WDPCP: variants seen among roughly 807,000 people sequenced by gnomAD.
WDPCP encodes WD repeat-containing and planar cell polarity effector protein fritz homolog.
Under a neutral mutation model 93.1 loss-of-function variants are expected in WDPCP, and 71 were observed. That is an observed-to-expected ratio of 0.76 (90% CI 0.63 to 0.93). The LOEUF is 0.93. Ranked by LOEUF, WDPCP falls within the 40% of genes least tolerant of loss-of-function variation. The pLI is 0.00. For missense variants in WDPCP, 844 were observed against 887.4 expected, an observed-to-expected ratio of 0.95 and a Z score of 0.62; for synonymous variants, 315 against 315.0, an observed-to-expected ratio of 1.00 and a Z score of 0.00.
At chr2:63,464,333 T>C (rs1427893734) in intron 6 of WDPCP, among the ~76,000 whole-genome samples, 1 of 152,114 alleles carries the variant, frequency 6.6e-6, no homozygotes, top group African/African-American at 2.4e-5. Context: ...CATAGCTTGA[T>C]AGTAGAATGA....
At chr2:63,836,987 T>C in the WDPCP span, among the ~76,000 whole-genome samples, 1 of 152,246 alleles carries the variant, frequency 6.6e-6, no homozygotes, top group Non-Finnish European at 1.5e-5. Flanking sequence ...CTTCATTTTT[T>C]AAAGCATCTC....
chr2:63,466,900 AG>A (rs1699378457), intron 6 of WDPCP, among the ~76,000 whole-genome samples: 1 of 152,202 alleles, frequency 6.6e-6, no homozygotes, highest in Non-Finnish European at 1.5e-5. Context: ...GGAAATTAAG[AG>A]TTTCTTTAAA....
At chr2:63,816,664 A>G (rs4381767) in intron 1 of WDPCP, among the ~76,000 whole-genome samples, 1,862 of 152,330 alleles carry the variant, frequency 0.012, 19 homozygotes, top group Non-Finnish European at 0.015. Flanking sequence ...CTCCAGAGCT[A>G]TGAGAGAATA....
At chr2:63,470,162 C>T (rs1251705992) in intron 6 of WDPCP, among the ~76,000 whole-genome samples, 1 of 152,174 alleles carries the variant, frequency 6.6e-6, no homozygotes, top group Non-Finnish European at 1.5e-5. Context: ...ACTCTTCAGT[C>T]TCCTCTGTTT....
intron 14 of WDPCP, among the ~76,000 whole-genome samples, chr2:63,241,664 T>C (rs1359846662): frequency 1.3e-5 from 2 of 152,166 alleles, no homozygotes; most frequent in African/African-American, 4.8e-5. Context: ...AGTGGCCTGA[T>C]CATAACTCCC....
chr2:63,143,074 G>A (rs979760540), intron 17 of WDPCP, among the ~76,000 whole-genome samples: 2 of 151,920 alleles, frequency 1.3e-5, no homozygotes, highest in African/African-American at 4.8e-5. Flanking sequence ...CCCCAGCCTC[G>A]TGGAGTAGCG....
intron 15 of WDPCP, among the ~76,000 whole-genome samples, chr2:63,157,824 G>C (rs1476034901): frequency 6.6e-6 from 1 of 151,834 alleles, no homozygotes. Context: ...TTTCAAACAG[G>C]CTTTTGACTT....
intron 3 of WDPCP, among the ~76,000 whole-genome samples, chr2:63,644,630 T>C (rs1045870714): frequency 6.6e-5 from 10 of 152,202 alleles, no homozygotes; most frequent in African/African-American, 1.9e-4. Flanking sequence ...ATTGGAGCCA[T>C]TGGGTCCTGG....
chr2:63,185,439 T>C (rs1043071344), intron 14 of WDPCP, among the ~76,000 whole-genome samples: 1 of 150,126 alleles, frequency 6.7e-6, no homozygotes, highest in Non-Finnish European at 1.5e-5. Flanking sequence ...GACTGTAATA[T>C]ATGTTGTGCA....
At chr2:63,745,900 T>C (rs1336959220) in intron 2 of WDPCP, among the ~76,000 whole-genome samples, 1 of 152,208 alleles carries the variant, frequency 6.6e-6, no homozygotes. Flanking sequence ...TTAAGGCAGA[T>C]GCTGATCAAC....
At chr2:63,132,957 G>A (rs1466329769) in intron 17 of WDPCP, among the ~76,000 whole-genome samples, 1 of 151,986 alleles carries the variant, frequency 6.6e-6, no homozygotes, top group Non-Finnish European at 1.5e-5. Flanking sequence ...GTTATGTTGG[G>A]GATTTGAAAA....
intron 2 of WDPCP, among the ~76,000 whole-genome samples, chr2:63,776,175 A>G (rs894140788): frequency 1.3e-5 from 2 of 152,096 alleles, no homozygotes; most frequent in African/African-American, 4.8e-5. Context: ...AAAAAAAAGA[A>G]CTTTTGAAAG....
chr2:63,242,330 G>A (rs1165853293), intron 14 of WDPCP, among the ~76,000 whole-genome samples: 1 of 152,188 alleles, frequency 6.6e-6, no homozygotes, highest in Non-Finnish European at 1.5e-5. Context: ...ATGCAAATTT[G>A]TAGACCGCCA....
rs945442540 is a variant in WDPCP at position 63,452,367 on chromosome 2, T to A, written c.385-12496A>T. ...ATTGCTTCAAAGAGAATAAAATACC[T>A]AGGAATCCAACTTACAAGGGATGTG... On this transcript the variant is annotated intron_variant, in intron 6 of 17. Coordinates refer to ENST00000272321, the MANE Select transcript of WDPCP (RefSeq NM_015910.7). Among the ~76,000 whole-genome samples the A allele has an allele frequency of 2.0e-5, 3 of 152,082 alleles. No individual in the cohort carries two copies. The East Asian group carries it at 5.8e-4, about 29-fold the overall frequency.
chr2:63,720,283 G>T (rs962971945), intron 2 of WDPCP, among the ~76,000 whole-genome samples: 1 of 151,880 alleles, frequency 6.6e-6, no homozygotes. Context: ...CAGGTATGGC[G>T]GTGTGCGCCT....
chr2:63,728,386 C>T (rs1200150797), intron 2 of WDPCP, among the ~76,000 whole-genome samples: 1 of 152,130 alleles, frequency 6.6e-6, no homozygotes. Flanking sequence ...TGGGCTCAAA[C>T]TTTGAGTAGG....
At chr2:63,316,314 A>G (rs150980364) in intron 12 of WDPCP, among the ~76,000 whole-genome samples, 71 of 152,330 alleles carry the variant, frequency 4.7e-4, no homozygotes, top group African/African-American at 1.6e-3. Flanking sequence ...GGCAGGAGAT[A>G]TAAAAAGGAA....
At chr2:63,711,822 G>C (rs1000722535) in intron 2 of WDPCP, among the ~76,000 whole-genome samples, 1 of 152,194 alleles carries the variant, frequency 6.6e-6, no homozygotes, top group Non-Finnish European at 1.5e-5. Context: ...TAAACCCTAT[G>C]TGTGGTAAAT....
intron 2 of WDPCP, chr2:63,684,719 C>T (rs1156868169): frequency 1.6e-6 from 1 of 635,726 alleles, no homozygotes; most frequent in Non-Finnish European, 3.0e-6. Context: ...GTTTTAGATG[C>T]TTTGTTTTGG....
Sources: gnomAD v4.1 joint callset for allele counts (sites outside exome capture counted in the v4.1 genomes callset) on GRCh38, gnomAD v4.1.1 for gene constraint, MANE v1.5 for transcripts, NCBI Gene and HGNC (gene_info 2026-07-23, HGNC 2026-07-21) for gene names.